The following FAT1 variants were observed in gnomAD, a reference collection of about 807,000 sequenced individuals.
FAT1 encodes the protein protocadherin Fat 1.
A neutral mutation model predicts 329.8 loss-of-function variants in FAT1; 171 were observed. The observed-to-expected ratio is 0.52, with a 90% CI of 0.46 to 0.59. FAT1 has a LOEUF of 0.59. Among genes scored for constraint, FAT1 ranks in the 20% least tolerant of loss-of-function variants. The pLI, the probability that FAT1 is intolerant of heterozygous loss-of-function variation, is 0.00. For synonymous variants in FAT1, 2,233 were observed against 2,228.6 expected (o/e 1.00, Z -0.06); for missense variants, 5,672 against 5,774.4 (o/e 0.98, Z 0.57).
chr4:186,640,165 G>C (rs1292607330), intron 3 of FAT1, among the ~76,000 whole-genome samples: 2 of 152,002 alleles, frequency 1.3e-5, no homozygotes, highest in East Asian at 1.9e-4. Flanking sequence ...TCTTGTAAAA[G>C]TCTGAGCAAA....
rs546066183 is a variant in FAT1 at position 186,607,636 on chromosome 4, T to C, written c.10207-1423A>G. Reference sequence around the variant, plus strand: ...ATGGATGGGTAAGTGAATAGATATGTAGATGGGTGAGTGAATAGATAACTA... The same window carrying C: ...ATGGATGGGTAAGTGAATAGATATGCAGATGGGTGAGTGAATAGATAACTA... On this transcript the variant is annotated intron_variant, in intron 16 of 26. Coordinates refer to ENST00000441802, the MANE Select transcript of FAT1 (RefSeq NM_005245.4). Among the ~76,000 whole-genome samples the C allele has an allele frequency of 6.2e-4, 94 of 151,540 alleles. 2 individuals are homozygous for C. Among genetic ancestry groups the C allele is most frequent in the Non-Finnish European group, 4.1e-4 (28 of 67,864 alleles).
At chr4:186,706,003 C>G (rs1744568036) in intron 2 of FAT1, among the ~76,000 whole-genome samples, 1 of 152,202 alleles carries the variant, frequency 6.6e-6, no homozygotes. Context: ...CAAGCCAGGT[C>G]TTCTCAGTTC....
In FAT1 at chr4:186,588,542, A is replaced by T. The variant is rs2126345622; in HGVS notation, c.*50T>A. ...CTGCAAAGAACAGCGCGGATTACTC[A>T]CATCACCTCTAGGTTCACTAAAGTC... On this transcript the variant is annotated 3_prime_UTR_variant, in exon 27 of 27. Transcript: ENST00000441802. The T allele has an allele frequency of 6.4e-7, 1 of 1,560,508 alleles. No individual in the cohort carries two copies. Among genetic ancestry groups the T allele is most frequent in the Non-Finnish European group, 8.7e-7 (1 of 1,155,652 alleles).
chr4:186,688,937 T>C (rs930065656), intron 2 of FAT1, among the ~76,000 whole-genome samples: 1 of 152,024 alleles, frequency 6.6e-6, no homozygotes, highest in African/African-American at 2.4e-5. Flanking sequence ...AAAATTTACA[T>C]GGAAAATTCC....
rs765342648 is a variant in FAT1 at position 186,707,411 on chromosome 4, C to T, written c.2417G>A (p.Arg806His). 1.2e-4 allele frequency: 189 copies of T among 1,613,850 alleles called. No individual in the cohort carries two copies. The highest frequency in any genetic ancestry group is 1.5e-4 in the Non-Finnish European group (172 of 1,179,894). ...ATCGACAACCACGACATGTAGAAGA[C>T]GCCACGCAGCCTTCTGGGGTATCCC... ...DLGIPQKAAWRLLHVVVVDAN... is the reference protein window; with the variant it reads ...DLGIPQKAAWHLLHVVVVDAN... The change falls in exon 2 of 27, where the codon CGT (arginine) becomes CAT (histidine). Residue 806 changes from arginine (R) to histidine (H), a missense_variant. This residue lies in a region of FAT1 where 3,966 missense variants were observed against 3,915.2 expected (regional missense o/e 1.01). Transcript: ENST00000441802.
rs780332352 is a variant in FAT1 at position 186,588,969 on chromosome 4, G to T, written c.13390C>A (p.Pro4464Thr). The T allele has an allele frequency of 6.2e-7, 1 of 1,613,988 alleles. No homozygotes were observed. The highest frequency in any genetic ancestry group is 8.5e-7 in the Non-Finnish European group (1 of 1,179,890). ...CCCGCGGCAGGCATGTCTCTAGGAG[G>T]GTGGATGGATTCAAACTGATTGCTG... ...EFSNQFESIHPPRDMPAAGSL... is the reference protein window; with the variant it reads ...EFSNQFESIHTPRDMPAAGSL... The change falls in exon 27 of 27, where the codon CCT becomes ACT. Residue 4464 changes from proline (P) to threonine (T), a missense_variant. Transcript: ENST00000441802.
At chr4:186,594,773 T>G (rs1433407271) in intron 26 of FAT1, among the ~76,000 whole-genome samples, 2 of 149,412 alleles carry the variant, frequency 1.3e-5, no homozygotes, top group Admixed American at 1.3e-4. Context: ...AGATAATGAC[T>G]ATATGGATTT....
At chr4:186,710,256 G>A (rs561812907) in intron 1 of FAT1, among the ~76,000 whole-genome samples, 25 of 152,222 alleles carry the variant, frequency 1.6e-4, no homozygotes, top group African/African-American at 6.0e-4. Flanking sequence ...ATGATCAAAA[G>A]CTGGCAAACA....
intron 3 of FAT1, among the ~76,000 whole-genome samples, chr4:186,647,118 C>T (rs893334113): frequency 5.3e-5 from 8 of 152,180 alleles, no homozygotes; most frequent in Non-Finnish European, 1.0e-4. Flanking sequence ...GAGACATATA[C>T]GAAAGCCTAA....
At chr4:186,684,051 TAAGTA>T (rs933138271) in intron 2 of FAT1, among the ~76,000 whole-genome samples, 6 of 152,136 alleles carry the variant, frequency 3.9e-5, no homozygotes, top group African/African-American at 1.4e-4. Context: ...AATAATTGAA[TAAGTA>T]AATTAACAGT....
intron 7 of FAT1, among the ~76,000 whole-genome samples, chr4:186,633,263 A>G (rs1323561982): frequency 1.3e-5 from 2 of 152,204 alleles, no homozygotes; most frequent in Non-Finnish European, 2.9e-5. Context: ...GAACAATTTT[A>G]TTAGTTATTT....
intron 22 of FAT1, among the ~76,000 whole-genome samples, chr4:186,599,591 C>T (rs536188987): frequency 2.0e-5 from 3 of 152,240 alleles, no homozygotes; most frequent in African/African-American, 7.2e-5. Flanking sequence ...TCTAAATTCC[C>T]CTGGGCCGAT....
chr4:186,708,427 C>A lies in FAT1; in HGVS notation c.1401G>T (p.Ala467=), dbSNP rs554946894. 6.2e-7 allele frequency: 1 copy of A among 1,613,946 alleles called. No homozygotes were observed. The highest frequency in any genetic ancestry group is 8.5e-7 in the Non-Finnish European group (1 of 1,179,904). Residue 467 remains alanine (A), a synonymous_variant, in exon 2 of 27, where the codon GCG becomes GCT. Transcript: ENST00000441802. The part of the protein sequence containing the change: ...NSNPPEFTQT[A]YKAAFDENVP... ...CGTTCTCATCAAAAGCAGCTTTGTA[C>A]GCTGTCTGGGTAAATTCAGGGGGAT...
At chr4:186,628,847 T>C in intron 7 of FAT1, 84 bp from the exon 8 acceptor site, 1 of 1,346,218 alleles carries the variant, frequency 7.4e-7, no homozygotes, top group Non-Finnish European at 1.0e-6. Flanking sequence ...GAAAGTCATG[T>C]ATATTGAAAC....
intron 2 of FAT1, among the ~76,000 whole-genome samples, chr4:186,664,421 G>T (rs1370140019): frequency 6.6e-6 from 1 of 152,130 alleles, no homozygotes; most frequent in Non-Finnish European, 1.5e-5. Context: ...GCACAATAAC[G>T]TATTAAATAC....
chr4:186,617,043 C>T lies in FAT1; in HGVS notation c.9037G>A (p.Val3013Ile). ...FSSKAIVEVKVLDANDNSPVC... is the reference protein window; with the variant it reads ...FSSKAIVEVKILDANDNSPVC... ...GGACTGTTGTCATTTGCATCCAGAACTTTCACTTCAACTATCGCTTTTGAT... is the reference window on the plus strand; with the variant it reads ...GGACTGTTGTCATTTGCATCCAGAATTTTCACTTCAACTATCGCTTTTGAT... Residue 3013 changes from valine to isoleucine, a missense_variant, in exon 11 of 27, where the codon GTT (valine) becomes ATT (isoleucine). Physicochemically the swap from Val to Ile is conservative, Grantham distance 29. This residue lies in a region of FAT1 where 3,966 missense variants were observed against 3,915.2 expected (regional missense o/e 1.01). Coordinates refer to ENST00000441802, the MANE Select transcript of FAT1 (RefSeq NM_005245.4). 1 of 1,613,872 alleles carries T rather than the reference C, an allele frequency of 6.2e-7. No individual in the cohort carries two copies. Among genetic ancestry groups the T allele is most frequent in the Non-Finnish European group, 8.5e-7 (1 of 1,179,850 alleles).
At position 186,708,427 on chromosome 4, in the gene FAT1, C is replaced by T. The variant is rs554946894; in HGVS notation, c.1401G>A (p.Ala467=). 2.0e-5 allele frequency: 32 copies of T among 1,613,946 alleles called. 1 individual carries two copies. In the South Asian group the frequency reaches 2.4e-4, roughly 12 times the overall value. Residue 467 remains alanine (A), a synonymous_variant, in exon 2 of 27, where the codon GCG becomes GCA. Transcript: ENST00000441802. The stretch of plus-strand genomic sequence containing the variant: ...CGTTCTCATCAAAAGCAGCTTTGTA[C>T]GCTGTCTGGGTAAATTCAGGGGGAT... ...NSNPPEFTQT[A]YKAAFDENVP...
chr4:186,722,801 T>TTA (rs1745519447), intron 1 of FAT1, among the ~76,000 whole-genome samples: 1 of 152,102 alleles, frequency 6.6e-6, no homozygotes, highest in Non-Finnish European at 1.5e-5. Flanking sequence ...CTCATACTAA[T>TTA]AATCACTGTT....
In FAT1 at chr4:186,588,577, G is replaced by T. The variant is rs747545404; in HGVS notation, c.*15C>A. The T allele has an allele frequency of 2.1e-5, 34 of 1,592,992 alleles. No individual in the cohort carries two copies. The highest frequency in any genetic ancestry group is 2.3e-5 in the Non-Finnish European group (27 of 1,172,878). ...TAGGTTCACTAAAGTCAGGCACTTT[G>T]GGGGGAGTTGAGAGTCAGACTTCCG... On this transcript the variant is annotated 3_prime_UTR_variant, in exon 27 of 27. Coordinates refer to ENST00000441802, the MANE Select transcript of FAT1 (RefSeq NM_005245.4).
Sources: gnomAD v4.1 joint callset for allele counts (sites outside exome capture counted in the v4.1 genomes callset) on GRCh38, gnomAD v4.1.1 for gene constraint, gnomAD v4.1.1 regional missense constraint, MANE v1.5 for transcripts, NCBI Gene and HGNC (gene_info 2026-07-23, HGNC 2026-07-21) for gene names.